The following PPP2R2C variants were observed in gnomAD, a reference collection of about 807,000 sequenced individuals.
PPP2R2C encodes the protein protein phosphatase 2 regulatory subunit Bgamma.
PPP2R2C carries 10 observed loss-of-function variants against 45.3 expected under a neutral mutation model. That is an observed-to-expected ratio of 0.22 (90% CI 0.14 to 0.37). PPP2R2C has a LOEUF of 0.37. PPP2R2C is among the 10% of genes least tolerant of loss of function. The probability of loss-of-function intolerance (pLI) is 1.00; values close to 1 mark genes in which losing one functional copy is unlikely to be tolerated. For missense variants in PPP2R2C, 308 were observed against 619.7 expected, an observed-to-expected ratio of 0.50 and a Z score of 5.34; for synonymous variants, 257 against 245.4, an observed-to-expected ratio of 1.05 and a Z score of -0.44.
intron 2 of PPP2R2C, among the ~76,000 whole-genome samples, chr4:6,484,071 G>T (rs1433004188): frequency 2.0e-5 from 3 of 151,824 alleles, no homozygotes; most frequent in Admixed American, 1.3e-4. Flanking sequence ...CTTACTATCT[G>T]GTCCTTTAAG....
intron 1 of PPP2R2C, among the ~76,000 whole-genome samples, chr4:6,448,983 G>T (rs187863686): frequency 1.3e-3 from 193 of 152,314 alleles, no homozygotes; most frequent in African/African-American, 4.5e-3. Context: ...TTGGGACCCA[G>T]GCCAGGTTCA....
intron 1 of PPP2R2C, among the ~76,000 whole-genome samples, chr4:6,389,060 G>A (rs1716423838): frequency 6.6e-6 from 1 of 152,124 alleles, no homozygotes; most frequent in Non-Finnish European, 1.5e-5. Context: ...CAAAGCCGTG[G>A]TAATCCAGTC....
chr4:6,369,599 GA>G (rs1714635346), intron 5 of PPP2R2C, among the ~76,000 whole-genome samples: 1 of 152,218 alleles, frequency 6.6e-6, no homozygotes, highest in Non-Finnish European at 1.5e-5. Flanking sequence ...TACCCCAAGA[GA>G]AAGCCCCCTG....
Position 6,537,967 on chromosome 4 carries a change from A to G in PPP2R2C, c.-58-2590T>C, listed in dbSNP as rs541577071. ...AGAGACAGGAAGCAGAATAGGGGTTACCAGGGCTGGGGTTATGGAGAGTTG... is the reference window on the plus strand; with the variant it reads ...AGAGACAGGAAGCAGAATAGGGGTTGCCAGGGCTGGGGTTATGGAGAGTTG... On this transcript the variant is annotated intron_variant, in intron 1 of 9. Transcript: ENST00000506140. 7.9e-5 allele frequency among the ~76,000 whole-genome samples: 12 copies of G among 152,276 alleles called. No individual in the cohort carries two copies. The East Asian group carries it at 2.3e-3, about 29-fold the overall frequency.
chr4:6,394,484 T>C (rs1330839478), intron 1 of PPP2R2C, among the ~76,000 whole-genome samples: 3 of 152,198 alleles, frequency 2.0e-5, no homozygotes, highest in Non-Finnish European at 4.4e-5. Flanking sequence ...GTTTGAGATG[T>C]GGTAAATTGC....
intron 6 of PPP2R2C, among the ~76,000 whole-genome samples, chr4:6,343,327 C>T (rs1157098408): frequency 6.6e-6 from 1 of 152,026 alleles, no homozygotes; most frequent in African/African-American, 2.4e-5. Flanking sequence ...TTTTTGCTGG[C>T]ACGAAAGAGA....
chr4:6,399,351 A>T (rs1215804319), intron 1 of PPP2R2C, among the ~76,000 whole-genome samples: 3 of 152,250 alleles, frequency 2.0e-5, no homozygotes, highest in Non-Finnish European at 4.4e-5. Flanking sequence ...GAAACCCAGC[A>T]AGCTGCTAAT....
chr4:6,454,350 G>A (rs115679839), intron 1 of PPP2R2C, among the ~76,000 whole-genome samples: 3,255 of 152,240 alleles, frequency 0.021, 59 homozygotes, highest in Non-Finnish European at 0.033. Flanking sequence ...CTAAATGAAG[G>A]TGACACAATT....
intron 5 of PPP2R2C, among the ~76,000 whole-genome samples, chr4:6,353,107 C>G (rs1369093491): frequency 6.6e-6 from 1 of 152,010 alleles, no homozygotes; most frequent in African/African-American, 2.4e-5. Context: ...ACTTGTGGCC[C>G]CCAGGACGGT....
chr4:6,429,314 TAAA>T (rs938923782), intron 1 of PPP2R2C, among the ~76,000 whole-genome samples: 1 of 152,198 alleles, frequency 6.6e-6, no homozygotes, highest in African/African-American at 2.4e-5. Flanking sequence ...CACATTTCCT[TAAA>T]AAGTAAATGT....
intron 1 of PPP2R2C, among the ~76,000 whole-genome samples, chr4:6,390,607 G>C (rs1045204654): frequency 6.6e-6 from 1 of 152,226 alleles, no homozygotes; most frequent in Non-Finnish European, 1.5e-5. Context: ...GCCGGGACTG[G>C]ACATCAGCAC....
chr4:6,360,583 G>A (rs763522892), intron 5 of PPP2R2C, among the ~76,000 whole-genome samples: 34 of 152,198 alleles, frequency 2.2e-4, no homozygotes, highest in Non-Finnish European at 4.9e-4. Flanking sequence ...AAGGACTCAC[G>A]CATGAGCTCA....
Position 6,320,738 on chromosome 4 carries a change from C to T in PPP2R2C, c.*2564G>A, listed in dbSNP as rs1009123313. On this transcript the variant is annotated 3_prime_UTR_variant, in exon 9 of 9. Coordinates refer to ENST00000382599, the MANE Select transcript of PPP2R2C (RefSeq NM_020416.4). Reference sequence around the variant, plus strand: ...TGATCAGGGCTGACAACTTGACCACCATGTATCCCACACCACCACCCCCAC... The same window carrying T: ...TGATCAGGGCTGACAACTTGACCACTATGTATCCCACACCACCACCCCCAC... 8 of 152,372 alleles carry T rather than the reference C, an allele frequency of 5.3e-5. No individual in the cohort carries two copies. The highest frequency in any genetic ancestry group is 1.9e-4 in the African/African-American group (8 of 41,422). The allele number at this position is 152,372 out of a possible 1,614,324, so 9.4% of individuals were successfully genotyped here.
intron 6 of PPP2R2C, among the ~76,000 whole-genome samples, chr4:6,344,956 G>A (rs1412255219): frequency 3.9e-5 from 6 of 152,058 alleles, no homozygotes; most frequent in African/African-American, 9.7e-5. Flanking sequence ...AAAGGACGCC[G>A]AATAGATTTG....
In PPP2R2C at chr4:6,336,416, C is replaced by T. The variant is rs1165210452; in HGVS notation, c.791-2685G>A. 3.3e-5 allele frequency among the ~76,000 whole-genome samples: 5 copies of T among 152,178 alleles called. No homozygotes were observed. In the East Asian group the frequency reaches 7.8e-4, roughly 24 times the overall value. On this transcript the variant is annotated intron_variant, in intron 6 of 8. Coordinates refer to ENST00000382599, the MANE Select transcript of PPP2R2C (RefSeq NM_020416.4). ...AACAGGCTGCCAGGGTCTCAATCCC[C>T]GAGCCCCTCGTGTGGCCTTGAACGC...
intron 1 of PPP2R2C, among the ~76,000 whole-genome samples, chr4:6,427,989 G>A (rs184365085): frequency 2.2e-4 from 33 of 152,314 alleles, no homozygotes; most frequent in Non-Finnish European, 4.4e-4. Context: ...GAGGGAACGA[G>A]CTAGACAGCA....
intron 1 of PPP2R2C, among the ~76,000 whole-genome samples, chr4:6,420,344 C>G (rs141290191): frequency 6.7e-6 from 1 of 150,262 alleles, no homozygotes; most frequent in Non-Finnish European, 1.5e-5. Flanking sequence ...ATTCACCGTA[C>G]ATGAATCAAA....
intron 1 of PPP2R2C, chr4:6,383,531 C>T (rs1253053318): frequency 2.3e-6 from 2 of 887,860 alleles, no homozygotes. Context: ...CCTGCAGTGG[C>T]TTTCCCTGGG....
At chr4:6,551,249 G>A (rs112580294) in intron 1 of PPP2R2C, among the ~76,000 whole-genome samples, 33 of 152,304 alleles carry the variant, frequency 2.2e-4, no homozygotes, top group East Asian at 1.7e-3. Flanking sequence ...GGCAAGTCAC[G>A]AGTGCTCATG....
Sources: allele counts gnomAD v4.1 joint callset (sites outside exome capture counted in the v4.1 genomes callset), GRCh38; gene constraint gnomAD v4.1.1; transcripts MANE v1.5; gene names NCBI Gene and HGNC (gene_info 2026-07-23, HGNC 2026-07-21).